Variants in SPAG16 observed in about 807,000 individuals in gnomAD.
SPAG16 encodes sperm associated antigen 16.
In SPAG16, 86 loss-of-function variants were observed where a neutral mutation model predicts 80.4. That is an observed-to-expected ratio of 1.07 (90% CI 0.90 to 1.28). The LOEUF is 1.28. Among genes scored for constraint, SPAG16 ranks in the 50% most tolerant of loss-of-function variants. The pLI, the probability that SPAG16 is intolerant of heterozygous loss-of-function variation, is 0.00. For synonymous variants in SPAG16, 294 were observed against 265.9 expected (o/e 1.11, Z -1.03); for missense variants, 870 against 765.3 (o/e 1.14, Z -1.61).
chr2:213,337,497 T>C (rs576162966), intron 5 of SPAG16, among the ~76,000 whole-genome samples: 1 of 152,252 alleles, frequency 6.6e-6, no homozygotes, highest in African/African-American at 2.4e-5. Flanking sequence ...AGGAGCTGTT[T>C]ACCAACATAA....
intron 9 of SPAG16, among the ~76,000 whole-genome samples, chr2:213,415,678 T>A (rs187113539): frequency 6.6e-6 from 1 of 152,256 alleles, no homozygotes; most frequent in East Asian, 1.9e-4. Flanking sequence ...TTCATTGGAA[T>A]TGAAGAAAAG....
intron 14 of SPAG16, among the ~76,000 whole-genome samples, chr2:214,114,177 C>A (rs963233577): frequency 2.6e-5 from 4 of 152,196 alleles, no homozygotes; most frequent in Non-Finnish European, 4.4e-5. Context: ...GCAAATATTG[C>A]TGCCTGATCC....
chr2:214,282,245 A>C (rs1693002193), intron 15 of SPAG16, among the ~76,000 whole-genome samples: 1 of 152,176 alleles, frequency 6.6e-6, no homozygotes, highest in African/African-American at 2.4e-5. Flanking sequence ...AATTAAACAT[A>C]AATTATAAAT....
chr2:213,515,855 T>G (rs1038904315), intron 10 of SPAG16, among the ~76,000 whole-genome samples: 8 of 152,092 alleles, frequency 5.3e-5, no homozygotes, highest in African/African-American at 7.2e-5. Flanking sequence ...GAAAAGAAAT[T>G]GTTGCATTGT....
At chr2:214,111,093 T>G (rs1194441569) in intron 14 of SPAG16, among the ~76,000 whole-genome samples, 1 of 152,196 alleles carries the variant, frequency 6.6e-6, no homozygotes. Context: ...CTGTTCACTC[T>G]GATGGTAGTT....
At chr2:213,673,699 T>A (rs6723396) in intron 10 of SPAG16, among the ~76,000 whole-genome samples, 3,910 of 152,340 alleles carry the variant, frequency 0.026, 165 homozygotes, top group African/African-American at 0.088. Context: ...CCACACTGGC[T>A]TCTACTAAGG....
chr2:213,456,350 T>C (rs2072010441), intron 9 of SPAG16, among the ~76,000 whole-genome samples: 2 of 152,358 alleles, frequency 1.3e-5, no homozygotes, highest in South Asian at 4.1e-4. Flanking sequence ...GTATGTACTT[T>C]AATCCCAAAC....
At chr2:213,851,436 A>C (rs558792474) in intron 10 of SPAG16, among the ~76,000 whole-genome samples, 1 of 152,204 alleles carries the variant, frequency 6.6e-6, no homozygotes, top group African/African-American at 2.4e-5. Context: ...TTAACCCAGT[A>C]GGCGGAGGTT....
chr2:213,285,819 A>G, intron 1 of SPAG16: 1 of 1,008,760 alleles, frequency 9.9e-7, no homozygotes, highest in Non-Finnish European at 1.4e-6. Context: ...CTGTTTTCGT[A>G]GATGTAACAG....
chr2:214,150,692 TAATAGTA>T (rs2055932229), intron 15 of SPAG16, among the ~76,000 whole-genome samples: 1 of 152,068 alleles, frequency 6.6e-6, no homozygotes, highest in Non-Finnish European at 1.5e-5. Context: ...CTGTACTTCC[TAATAGTA>T]GAAGTTAAAA....
At chr2:213,575,139 A>G (rs1397160350) in intron 10 of SPAG16, among the ~76,000 whole-genome samples, 2 of 152,122 alleles carry the variant, frequency 1.3e-5, no homozygotes, top group Non-Finnish European at 2.9e-5. Flanking sequence ...TTTAGTTATG[A>G]ATTCTTATCT....
chr2:213,732,824 G>C (rs564923063), intron 10 of SPAG16, among the ~76,000 whole-genome samples: 2 of 152,242 alleles, frequency 1.3e-5, no homozygotes, highest in East Asian at 3.9e-4. Context: ...TGTGAATAGT[G>C]CTGCAGTGAA....
At chr2:214,027,071 C>A (rs1478571893) in intron 13 of SPAG16, among the ~76,000 whole-genome samples, 1 of 151,344 alleles carries the variant, frequency 6.6e-6, no homozygotes, top group Non-Finnish European at 1.5e-5. Context: ...TTCATTATCA[C>A]ACAAGTAAAA....
intron 3 of SPAG16, among the ~76,000 whole-genome samples, chr2:213,304,808 A>G (rs2062875426): frequency 6.6e-6 from 1 of 152,084 alleles, no homozygotes; most frequent in Admixed American, 6.6e-5. Context: ...ACATAATGTG[A>G]TTCGTGCAGT....
At chr2:213,341,745 T>G (rs1170225206) in intron 6 of SPAG16, among the ~76,000 whole-genome samples, 1 of 152,132 alleles carries the variant, frequency 6.6e-6, no homozygotes, top group Non-Finnish European at 1.5e-5. Flanking sequence ...CTCACTTTGT[T>G]GATCAGGTTG....
At chr2:213,986,116 G>A (rs565929405) in intron 12 of SPAG16, among the ~76,000 whole-genome samples, 4 of 152,078 alleles carry the variant, frequency 2.6e-5, no homozygotes, top group African/African-American at 9.7e-5. Flanking sequence ...TGGGAATACA[G>A]ACAAAGAGAC....
At chr2:213,746,539 C>T (rs564097423) in intron 10 of SPAG16, among the ~76,000 whole-genome samples, 1 of 152,216 alleles carries the variant, frequency 6.6e-6, no homozygotes, top group African/African-American at 2.4e-5. Context: ...GGTGCGGTGG[C>T]TCATGCCTGT....
intron 15 of SPAG16, among the ~76,000 whole-genome samples, chr2:214,372,464 CAG>C (rs925912664): frequency 3.5e-4 from 29 of 82,486 alleles, no homozygotes; most frequent in African/African-American, 9.2e-4. Context: ...TGAGGGAAAA[CAG>C]AATAAAACAA....
At chr2:214,340,578 C>T (rs775319627) in intron 15 of SPAG16, among the ~76,000 whole-genome samples, 4 of 152,164 alleles carry the variant, frequency 2.6e-5, no homozygotes, top group South Asian at 2.1e-4. Flanking sequence ...GGGTGAACTG[C>T]GCACCTGCTG....
Sources: gnomAD v4.1 joint callset for allele counts (sites outside exome capture counted in the v4.1 genomes callset) on GRCh38, gnomAD v4.1.1 for gene constraint, MANE v1.5 for transcripts, NCBI Gene and HGNC (gene_info 2026-07-23, HGNC 2026-07-21) for gene names.